The following MLLT10 variants were observed in gnomAD, a reference collection of about 807,000 sequenced individuals.
The protein encoded by MLLT10 is MLLT10 histone lysine methyltransferase DOT1L cofactor, also known as protein AF-10.
In MLLT10, 30 loss-of-function variants were observed where a neutral mutation model predicts 129.1. The observed-to-expected ratio is 0.23, with a 90% confidence interval of 0.17 to 0.32. MLLT10 has a LOEUF of 0.32. Ranked by LOEUF, MLLT10 falls within the 10% of genes least tolerant of loss-of-function variation. The pLI is 1.00. For missense variants in MLLT10, 1,119 were observed against 1,268.3 expected, an observed-to-expected ratio of 0.88 and a Z score of 1.79; for synonymous variants, 490 against 446.4, an observed-to-expected ratio of 1.10 and a Z score of -1.23.
intron 4 of MLLT10, among the ~76,000 whole-genome samples, chr10:21,589,214 A>T (rs1046586931): frequency 1.4e-4 from 21 of 151,044 alleles, no homozygotes; most frequent in Admixed American, 1.1e-3. Flanking sequence ...CTTTAAAAAA[A>T]TTTTTTTTTA....
At chr10:21,733,675 A>G in intron 19 of MLLT10, 83 bp downstream of exon 19, 7 of 1,480,488 alleles carry the variant, frequency 4.7e-6, no homozygotes, top group Non-Finnish European at 6.3e-6. Flanking sequence ...TATTTTAAAC[A>G]GTTTTGCAGT....
At chr10:21,596,681 G>A (rs1156627687) in intron 5 of MLLT10, among the ~76,000 whole-genome samples, 6 of 151,194 alleles carry the variant, frequency 4.0e-5, no homozygotes, top group Non-Finnish European at 8.8e-5. Flanking sequence ...TTGAGTACTG[G>A]TAAGGTTAAT....
At chr10:21,597,151 G>A (rs1422349084) in intron 5 of MLLT10, among the ~76,000 whole-genome samples, 2 of 151,974 alleles carry the variant, frequency 1.3e-5, no homozygotes, top group Non-Finnish European at 2.9e-5. Context: ...CCATTTGAGA[G>A]TAACTTACCA....
intron 21 of MLLT10, chr10:21,738,428 G>C: frequency 7.8e-7 from 1 of 1,288,974 alleles, no homozygotes; most frequent in Non-Finnish European, 1.0e-6. Context: ...CTCATTTCCA[G>C]AACATGGTTA....
intron 14 of MLLT10, among the ~76,000 whole-genome samples, chr10:21,714,483 C>G (rs1015895928): frequency 2.6e-5 from 4 of 152,150 alleles, no homozygotes; most frequent in African/African-American, 7.2e-5. Flanking sequence ...TTGTGTACCC[C>G]TTTTATCTGA....
At chr10:21,686,424 A>G (rs1589639095) in intron 13 of MLLT10, among the ~76,000 whole-genome samples, 1 of 151,926 alleles carries the variant, frequency 6.6e-6, no homozygotes, top group African/African-American at 2.4e-5. Context: ...TCAATTTTTA[A>G]ATTTCTTAAA....
chr10:21,642,528 A>G (rs2048110502), intron 8 of MLLT10, among the ~76,000 whole-genome samples: 1 of 151,864 alleles, frequency 6.6e-6, no homozygotes, highest in South Asian at 2.1e-4. Flanking sequence ...GTGGTGGCAC[A>G]TGCCGGTAAT....
Position 21,534,456 on chromosome 10 carries a change from G to A in MLLT10, c.-65G>A, listed in dbSNP as rs979050519. 2 of 509,884 alleles carry A rather than the reference G, an allele frequency of 3.9e-6. No individual in the cohort carries two copies. The highest frequency in any genetic ancestry group is 3.4e-5 in the East Asian group (1 of 29,684). The allele number at this position is 509,884 out of a possible 1,614,324, so 31.6% of individuals were successfully genotyped here. ...GGAGGCGGTGGAGGGGAGGTGGGGG[G>A]AATCAGCAAGGACATGGCTCCTGAC... On this transcript the variant is annotated 5_prime_UTR_variant, in exon 1 of 23. Coordinates refer to ENST00000307729, the MANE Select transcript of MLLT10 (RefSeq NM_001195626.3).
chr10:21,650,376 A>G (rs978604746), intron 8 of MLLT10, among the ~76,000 whole-genome samples: 5 of 152,150 alleles, frequency 3.3e-5, no homozygotes, highest in African/African-American at 1.2e-4. Context: ...GAGTATTATT[A>G]TATTAATTTA....
At chr10:21,590,155 C>G (rs9971210) in intron 4 of MLLT10, among the ~76,000 whole-genome samples, 76,372 of 151,774 alleles carry the variant, frequency 0.5, 19,674 homozygotes, top group African/African-American at 0.59. Flanking sequence ...TGCCGAGGGT[C>G]GTCTCGAACA....
At chr10:21,616,980 T>C (rs891561249) in intron 7 of MLLT10, 132 bp from the exon 8 acceptor site, 1 of 342,480 alleles carries the variant, frequency 2.9e-6, no homozygotes, top group African/African-American at 2.1e-5. Context: ...ATTATATAGA[T>C]TGAAATAGAC....
intron 3 of MLLT10, among the ~76,000 whole-genome samples, chr10:21,548,376 C>CTT (rs749491589): frequency 2.1e-5 from 3 of 140,860 alleles, no homozygotes; most frequent in Non-Finnish European, 3.1e-5. Context: ...TCTATCTTAT[C>CTT]TTTTTTTTTT....
chr10:21,733,172 C>T, intron 18 of MLLT10, 85 bp downstream of exon 18: 1 of 1,310,556 alleles, frequency 7.6e-7, no homozygotes, highest in South Asian at 1.6e-5. Flanking sequence ...AATTGGTCAC[C>T]AGTTATATGA....
In MLLT10 at chr10:21,673,799, A is replaced by G. The variant is rs1290161121; in HGVS notation, c.1501A>G (p.Thr501Ala). 6.2e-7 allele frequency: 1 copy of G among 1,614,220 alleles called. No individual in the cohort carries two copies. Among genetic ancestry groups the G allele is most frequent in the Non-Finnish European group, 8.5e-7 (1 of 1,180,026 alleles). Reference protein sequence around the residue: ...SHLSVSSASPTSSVASAAGSI... With the variant: ...SHLSVSSASPASSVASAAGSI... ...TCTCTCAGTTTCTTCTGCTTCACCAACATCATCTGTAGCATCAGCTGCAGG... is the reference window on the plus strand; with the variant it reads ...TCTCTCAGTTTCTTCTGCTTCACCAGCATCATCTGTAGCATCAGCTGCAGG... The change falls in exon 11 of 23, where the codon ACA becomes GCA. Residue 501 changes from threonine (T) to alanine (A), a missense_variant. Thr to Ala is a moderately conservative substitution (Grantham distance 58, BLOSUM62 0). Coordinates refer to ENST00000307729, the MANE Select transcript of MLLT10 (RefSeq NM_001195626.3).
chr10:21,738,603 C>G (rs1288255357), intron 21 of MLLT10: 2 of 1,199,288 alleles, frequency 1.7e-6, no homozygotes, highest in Non-Finnish European at 2.1e-6. Flanking sequence ...CCGCTCGACA[C>G]TCTTGCTTGA....
At chr10:21,562,058 G>A (rs909351736) in intron 3 of MLLT10, among the ~76,000 whole-genome samples, 2 of 151,962 alleles carry the variant, frequency 1.3e-5, no homozygotes, top group African/African-American at 4.8e-5. Context: ...TGCCCGCCTC[G>A]GCCTTCCAAA....
At chr10:21,578,804 G>C (rs1456249661) in intron 3 of MLLT10, among the ~76,000 whole-genome samples, 10 of 152,058 alleles carry the variant, frequency 6.6e-5, no homozygotes, top group Non-Finnish European at 4.4e-5. Context: ...TATCACCTCT[G>C]TTTGTTGTCA....
chr10:21,668,085 C>CT (rs1407196514), intron 9 of MLLT10, among the ~76,000 whole-genome samples: 7 of 152,084 alleles, frequency 4.6e-5, no homozygotes, highest in Non-Finnish European at 1.0e-4. Flanking sequence ...AAAAAAAGAA[C>CT]TTACATTTTT....
chr10:21,723,206 C>T (rs1018641793), intron 14 of MLLT10, among the ~76,000 whole-genome samples: 3 of 151,930 alleles, frequency 2.0e-5, no homozygotes, highest in African/African-American at 7.3e-5. Context: ...GTTGTTGTGC[C>T]ATACTCCTTT....
Sources: gnomAD v4.1 joint callset for allele counts (sites outside exome capture counted in the v4.1 genomes callset) on GRCh38, gnomAD v4.1.1 for gene constraint, MANE v1.5 for transcripts, NCBI Gene and HGNC (gene_info 2026-07-23, HGNC 2026-07-21) for gene names.